Variants in PTRHD1 observed in about 807,000 individuals in gnomAD.
PTRHD1 encodes the protein peptidyl-tRNA hydrolase domain containing 1, also known as putative peptidyl-tRNA hydrolase PTRHD1.
In PTRHD1, 12 loss-of-function variants were observed where a neutral mutation model predicts 13.6. That is an observed-to-expected ratio of 0.88 (90% CI 0.57 to 1.43). The LOEUF is 1.43. Among genes scored for constraint, PTRHD1 ranks in the 40% most tolerant of loss-of-function variants. PTRHD1 has a pLI of 0.00. For synonymous variants in PTRHD1, 86 were observed against 79.5 expected (o/e 1.08, Z -0.43); for missense variants, 203 against 184.7 (o/e 1.10, Z -0.57).
At position 24,790,481 on chromosome 2, in the gene PTRHD1, C is replaced by T. The variant is rs1266405550; in HGVS notation, c.353G>A (p.Cys118Tyr). The T allele has an allele frequency of 6.2e-7, 1 of 1,614,196 alleles. No homozygotes were observed. The highest frequency in any genetic ancestry group is 8.5e-7 in the Non-Finnish European group (1 of 1,180,030). Residue 118 changes from cysteine (C) to tyrosine (Y), a missense_variant, in exon 2 of 2, where the codon TGT (cysteine) becomes TAT (tyrosine). Transcript: ENST00000328379. The stretch of plus-strand genomic sequence containing the variant: ...CTTGGGGTAGGGCCGGAGAGCAATA[C>T]AAGTGGCGATATTCTCTGGTTGCTC... Reference protein sequence around the residue: ...WLEQPENIATCIALRPYPKEE... With the variant: ...WLEQPENIATYIALRPYPKEE...
intron 1 of PTRHD1, 84 bp from the exon 2 acceptor site, chr2:24,790,665 T>C (rs2148719539): frequency 1.6e-6 from 2 of 1,265,174 alleles, no homozygotes; most frequent in Non-Finnish European, 1.1e-6. Context: ...GGAGTCCTCT[T>C]GCCTGAAAGT....
chr2:24,793,011 C>A, intron 1 of PTRHD1, 115 bp downstream of exon 1: 2 of 1,256,038 alleles, frequency 1.6e-6, no homozygotes, highest in Non-Finnish European at 2.2e-6. Context: ...TAAATGTTAA[C>A]GATCACCCCA....
rs140217300 is a variant in PTRHD1, at chr2:24,793,189, G to A, written c.189C>T (p.Arg63=). 358 of 1,612,928 alleles carry A rather than the reference G, an allele frequency of 2.2e-4. 1 individual carries two copies. The African/African-American group carries it at 4.3e-3, about 20-fold the overall frequency. The part of the protein sequence containing the change: ...HAATAALHTH[R]DHPHTAAYLQ... ...GGTAAGCGGCTGTGTGCGGGTGGTCGCGGTGAGTGTGCAAGGCCGCGGTGG... is the reference window on the plus strand; with the variant it reads ...GGTAAGCGGCTGTGTGCGGGTGGTCACGGTGAGTGTGCAAGGCCGCGGTGG... The change falls in exon 1 of 2, where the codon CGC becomes CGT. Residue 63 remains arginine, a synonymous_variant. Transcript: ENST00000328379.
Position 24,793,106 on chromosome 2 carries a change from C to T in PTRHD1, c.252+20G>A. On this transcript the variant is annotated intron_variant, in intron 1 of 1. Transcript: ENST00000328379. ...CGCCCTCGATGTCTCAGCACCTCCC[C>T]CTCCGCCCGAGTGCCTCACCTCGAG... is the stretch of plus-strand genomic sequence containing the variant. 6.2e-7 allele frequency: 1 copy of T among 1,605,976 alleles called. No homozygotes were observed. The highest frequency in any genetic ancestry group is 8.5e-7 in the Non-Finnish European group (1 of 1,176,402).
chr2:24,792,897 C>T (rs900311824), intron 1 of PTRHD1: 31 of 601,578 alleles, frequency 5.2e-5, no homozygotes, highest in Non-Finnish European at 5.8e-5. Flanking sequence ...GACACAGGAG[C>T]CACCACTTTA....
Position 24,790,473 on chromosome 2 carries a change from G to C in PTRHD1, c.361C>G (p.Leu121Val). The change falls in exon 2 of 2, where the codon CTC becomes GTC. Residue 121 changes from leucine to valine, a missense_variant. Coordinates refer to ENST00000328379, the MANE Select transcript of PTRHD1 (RefSeq NM_001013663.2). Reference sequence around the variant, plus strand: ...ACTTCTTCCTTGGGGTAGGGCCGGAGAGCAATACAAGTGGCGATATTCTCT... The same window carrying C: ...ACTTCTTCCTTGGGGTAGGGCCGGACAGCAATACAAGTGGCGATATTCTCT... Reference protein sequence around the residue: ...QPENIATCIALRPYPKEEVGQ... With the variant: ...QPENIATCIAVRPYPKEEVGQ... 1 of 1,614,194 alleles carries C rather than the reference G, an allele frequency of 6.2e-7. No individual in the cohort carries two copies. The highest frequency in any genetic ancestry group is 8.5e-7 in the Non-Finnish European group (1 of 1,180,030).
rs774621892 is a variant in PTRHD1, at chr2:24,790,145, T to A, written c.*266A>T. 5.9e-6 allele frequency: 2 copies of A among 340,746 alleles called. No individual in the cohort carries two copies. Among genetic ancestry groups the A allele is most frequent in the Non-Finnish European group, 5.3e-6 (1 of 188,690 alleles). 21.1% of individuals were successfully genotyped at this position (340,746 alleles called of 1,614,324 possible). A position where few individuals can be genotyped will look rare whatever the true frequency, so the allele number is the denominator to read the frequency against. On this transcript the variant is annotated 3_prime_UTR_variant, in exon 2 of 2. Transcript: ENST00000328379. The stretch of plus-strand genomic sequence containing the variant: ...AAGCAAAGTTTCAAACCCGAGTGAC[T>A]GGAAGGGAGTTTCCTTGAGCCCCAC...
rs143024013 is a variant in PTRHD1 at position 24,790,424 on chromosome 2, C to T, written c.410G>A (p.Arg137Gln). The T allele has an allele frequency of 1.4e-5, 22 of 1,613,764 alleles. No individual in the cohort carries two copies. The highest frequency in any genetic ancestry group is 3.3e-5 in the South Asian group (3 of 91,022). ...EEVGQYLKKF[R>Q]LFK ...TCAAAGCAGCAGTTACTTGAACAAT[C>T]GGAACTTCTTCAAATACTGGCCCAC... Residue 137 changes from arginine to glutamine, a missense_variant, in exon 2 of 2, where the codon CGA (arginine) becomes CAA (glutamine). Coordinates refer to ENST00000328379, the MANE Select transcript of PTRHD1 (RefSeq NM_001013663.2).
At chr2:24,793,052 G>T (rs1026385595) in intron 1 of PTRHD1, 74 bp downstream of exon 1, 5 of 1,514,914 alleles carry the variant, frequency 3.3e-6, no homozygotes, top group Non-Finnish European at 4.4e-6. Context: ...CCGCAGCCAG[G>T]CCTTCGGACC....
intron 1 of PTRHD1, 119 bp from the exon 2 acceptor site, chr2:24,790,700 G>A: frequency 2.4e-6 from 2 of 821,868 alleles, no homozygotes; most frequent in Admixed American, 5.7e-5. Flanking sequence ...ACCAAGGAGG[G>A]AGCTGCAGAG....
chr2:24,793,127 T>G lies in PTRHD1; in HGVS notation c.251A>C (p.Glu84Ala), dbSNP rs368281716. 6.2e-7 allele frequency: 1 copy of G among 1,611,336 alleles called. No homozygotes were observed. The highest frequency in any genetic ancestry group is 8.5e-7 in the Non-Finnish European group (1 of 1,178,642). The part of the protein sequence containing the change: ...ELGRMRKVVL[E>A]APDETTLKEL... ...TCCCCCTCCGCCCGAGTGCCTCACC[T>G]CGAGGACCACTTTGCGCATGCGCCC... The change falls in exon 1 of 2, where the codon GAG (glutamate) becomes GCG (alanine). Residue 84 changes from glutamate to alanine, a missense_variant and splice_region_variant. Coordinates refer to ENST00000328379, the MANE Select transcript of PTRHD1 (RefSeq NM_001013663.2).
At position 24,793,278 on chromosome 2, in the gene PTRHD1, C is replaced by T; in HGVS notation, c.100G>A (p.Asp34Asn). 3 of 1,613,960 alleles carry T rather than the reference C, an allele frequency of 1.9e-6. No individual in the cohort carries two copies. The highest frequency in any genetic ancestry group is 2.5e-6 in the Non-Finnish European group (3 of 1,180,038). Residue 34 changes from aspartate (D) to asparagine (N), a missense_variant, in exon 1 of 2, where the codon GAT becomes AAT. Physicochemically the swap from Asp to Asn is conservative, Grantham distance 23 (BLOSUM62 1). Transcript: ENST00000328379. The stretch of plus-strand genomic sequence containing the variant: ...CAGGAGAACGGAGCTTGTGATAGAT[C>T]CTTTCGTAACACCAAGTATTGTACC... ...VLVQYLVLRK[D>N]LSQAPFSWPA...
In PTRHD1 at chr2:24,793,153, C is replaced by T. The variant is rs750588542; in HGVS notation, c.225G>A (p.Leu75=). The T allele has an allele frequency of 6.2e-7, 1 of 1,613,192 alleles. No individual in the cohort carries two copies. The highest frequency in any genetic ancestry group is 1.7e-5 in the Admixed American group (1 of 59,982). ...HPHTAAYLQE[L]GRMRKVVLEA... ...CGAGGACCACTTTGCGCATGCGCCC[C>T]AGCTCTTGGAGGTAAGCGGCTGTGT... Residue 75 remains leucine, a synonymous_variant, in exon 1 of 2, where the codon CTG becomes CTA. Transcript: ENST00000328379.
Position 24,793,227 on chromosome 2 carries a change from C to A in PTRHD1, c.151G>T (p.Ala51Ser), listed in dbSNP as rs1665686401. The change falls in exon 1 of 2, where the codon GCT becomes TCT. Residue 51 changes from alanine (A) to serine (S), a missense_variant. Transcript: ENST00000328379. ...AAGGCCGCGGTGGCCGCGTGACAAG[C>A]CTGCGCTACCAGTGCGCCCGCCGGC... ...SWPAGALVAQ[A>S]CHAATAALHT... is the part of the protein sequence containing the mutation. The A allele has an allele frequency of 6.2e-7, 1 of 1,613,446 alleles. No homozygotes were observed. Among genetic ancestry groups the A allele is most frequent in the Non-Finnish European group, 8.5e-7 (1 of 1,180,014 alleles).
chr2:24,791,744 C>T (rs374112718), intron 1 of PTRHD1: 3 of 152,218 alleles, frequency 2.0e-5, no homozygotes, highest in African/African-American at 7.2e-5. Flanking sequence ...ACTTCGCTGG[C>T]CTCTTCGTCC....
chr2:24,793,105 C>G (rs746124302), intron 1 of PTRHD1, 21 bp downstream of exon 1: 2 of 1,605,314 alleles, frequency 1.2e-6, no homozygotes, highest in African/African-American at 1.3e-5. Flanking sequence ...CAGCACCTCC[C>G]CCTCCGCCCG....
At chr2:24,790,662 T>C in intron 1 of PTRHD1, 81 bp from the exon 2 acceptor site, 2 of 1,318,282 alleles carry the variant, frequency 1.5e-6, no homozygotes, top group South Asian at 1.4e-5. Flanking sequence ...TCGGGAGTCC[T>C]CTTGCCTGAA....
At chr2:24,792,977 A>C (rs1572714267) in intron 1 of PTRHD1, 149 bp downstream of exon 1, 1 of 938,818 alleles carries the variant, frequency 1.1e-6, no homozygotes, top group Non-Finnish European at 1.6e-6. Context: ...CCAAGGGCGC[A>C]CCTCCAGGGA....
Position 24,789,785 on chromosome 2 carries a change from T to G in PTRHD1, c.*626A>C, listed in dbSNP as rs554638859. 1 of 152,624 alleles carries G rather than the reference T, an allele frequency of 6.6e-6. No individual in the cohort carries two copies. Among genetic ancestry groups the G allele is most frequent in the African/African-American group, 2.4e-5 (1 of 41,586 alleles). 9.5% of individuals were successfully genotyped at this position (152,624 alleles called of 1,614,324 possible). A position where few individuals can be genotyped will look rare whatever the true frequency, so the allele number is the denominator to read the frequency against. On this transcript the variant is annotated 3_prime_UTR_variant, in exon 2 of 2. Transcript: ENST00000328379. ...AAATCTGTATGTATGTACATATATA[T>G]AGACACACACAAATTTTAACTTGTT...
Sources: allele counts gnomAD v4.1 joint callset, GRCh38; gene constraint gnomAD v4.1.1; transcripts MANE v1.5; gene names NCBI Gene and HGNC (gene_info 2026-07-23, HGNC 2026-07-21).